MAF: variants seen among roughly 807,000 people sequenced by gnomAD.
The protein encoded by MAF is MAF bZIP transcription factor, also known as transcription factor Maf.
A neutral mutation model predicts 22.0 loss-of-function variants in MAF; 10 were observed. The ratio of observed to expected loss-of-function variants is 0.45; its 90% CI spans 0.28 to 0.77. The LOEUF is 0.77. MAF is among the 30% of genes least tolerant of loss of function. MAF has a pLI of 0.12. For synonymous variants in MAF, 337 were observed against 255.8 expected, an observed-to-expected ratio of 1.32 and a Z score of -3.03; for missense variants, 544 against 548.4, an observed-to-expected ratio of 0.99 and a Z score of 0.08.
At chr16:79,216,440 A>G in the MAF span, among the ~76,000 whole-genome samples, 1 of 152,212 alleles carries the variant, frequency 6.6e-6, no homozygotes, top group Non-Finnish European at 1.5e-5. Context: ...ACGATGATGT[A>G]AAAGTGATAT....
At chr16:79,256,763 C>G in the MAF span, among the ~76,000 whole-genome samples, 3 of 152,180 alleles carry the variant, frequency 2.0e-5, no homozygotes, top group African/African-American at 7.2e-5. Context: ...ACCTGTCTTG[C>G]AGAAATTTTG....
At chr16:79,562,137 C>T in the MAF span, among the ~76,000 whole-genome samples, 1 of 152,182 alleles carries the variant, frequency 6.6e-6, no homozygotes, top group Non-Finnish European at 1.5e-5. Context: ...AGACATAATC[C>T]TGCTCATCCC....
chr16:79,436,289 G>A, the MAF span, among the ~76,000 whole-genome samples: 1 of 152,096 alleles, frequency 6.6e-6, no homozygotes, highest in Non-Finnish European at 1.5e-5. Flanking sequence ...TGCCATGTTG[G>A]CCAGACTGGT....
the MAF span, among the ~76,000 whole-genome samples, chr16:79,436,330 G>A: frequency 1.3e-5 from 2 of 152,198 alleles, no homozygotes; most frequent in Non-Finnish European, 2.9e-5. Context: ...TGATCTGCCC[G>A]CTTCAGCCTC....
At chr16:79,307,546 A>T in the MAF span, among the ~76,000 whole-genome samples, 1 of 152,226 alleles carries the variant, frequency 6.6e-6, no homozygotes, top group Non-Finnish European at 1.5e-5. Flanking sequence ...TGCCCCCGAC[A>T]TGATGGGCGA....
chr16:79,264,337 C>G, the MAF span: 2 of 152,306 alleles, frequency 1.3e-5, no homozygotes, highest in South Asian at 2.1e-4. Context: ...CTGTGCTAAA[C>G]ACATTGGGTG....
the MAF span, among the ~76,000 whole-genome samples, chr16:79,372,662 G>A: frequency 7.2e-4 from 110 of 152,230 alleles, no homozygotes; most frequent in African/African-American, 2.6e-3. Flanking sequence ...GGCTCCATCC[G>A]TGTGAATCAC....
At chr16:79,312,541 G>T in the MAF span, among the ~76,000 whole-genome samples, 1 of 152,278 alleles carries the variant, frequency 6.6e-6, no homozygotes, top group South Asian at 2.1e-4. Flanking sequence ...TTGCTCTTTT[G>T]TTCGAATTTC....
chr16:79,497,963 A>G, the MAF span, among the ~76,000 whole-genome samples: 2 of 152,198 alleles, frequency 1.3e-5, no homozygotes, highest in African/African-American at 4.8e-5. Context: ...ACCAGAAGAC[A>G]CCACTCTGAG....
the MAF span, among the ~76,000 whole-genome samples, chr16:79,524,141 T>A: frequency 7.9e-5 from 12 of 152,314 alleles, no homozygotes; most frequent in African/African-American, 2.6e-4. Flanking sequence ...GCATCCCTGG[T>A]TGCTTTTCCT....
the MAF span, among the ~76,000 whole-genome samples, chr16:79,244,271 A>C: frequency 3.3e-5 from 5 of 152,196 alleles, no homozygotes; most frequent in Non-Finnish European, 7.4e-5. Context: ...AGAGGGAGTC[A>C]AATTGTCTCT....
chr16:79,468,300 C>T, the MAF span, among the ~76,000 whole-genome samples: 1 of 152,200 alleles, frequency 6.6e-6, no homozygotes, highest in Non-Finnish European at 1.5e-5. Flanking sequence ...TTTACTGCTG[C>T]CCTGGGCCGG....
At chr16:79,212,462 A>C in the MAF span, 13 of 244,452 alleles carry the variant, frequency 5.3e-5, no homozygotes, top group South Asian at 1.2e-3. Flanking sequence ...AAATTTTTCA[A>C]ATCATTCCTT....
At chr16:79,216,238 T>C in the MAF span, among the ~76,000 whole-genome samples, 215 of 152,330 alleles carry the variant, frequency 1.4e-3, no homozygotes, top group African/African-American at 4.9e-3. Flanking sequence ...TCTATATGTG[T>C]ATATGTACAT....
the MAF span, among the ~76,000 whole-genome samples, chr16:79,342,604 CATT>C: frequency 8.6e-5 from 13 of 151,860 alleles, no homozygotes; most frequent in Admixed American, 2.0e-4. Flanking sequence ...CCATCATCAT[CATT>C]GTCACCATCA....
chr16:79,565,643 C>T, the MAF span, among the ~76,000 whole-genome samples: 2 of 152,126 alleles, frequency 1.3e-5, no homozygotes, highest in African/African-American at 4.8e-5. Flanking sequence ...TTCTCCTTCC[C>T]GCCTTCATGT....
At chr16:79,434,793 A>T in the MAF span, among the ~76,000 whole-genome samples, 3 of 152,162 alleles carry the variant, frequency 2.0e-5, no homozygotes, top group Non-Finnish European at 4.4e-5. Flanking sequence ...GATTATAAAG[A>T]AAAGAGTAGA....
At chr16:79,470,398 A>T in the MAF span, among the ~76,000 whole-genome samples, 6 of 152,158 alleles carry the variant, frequency 3.9e-5, no homozygotes, top group Non-Finnish European at 7.3e-5. Flanking sequence ...GGGGACCAGG[A>T]TGGCAACTAG....
chr16:79,468,191 C>T, the MAF span, among the ~76,000 whole-genome samples: 1 of 152,166 alleles, frequency 6.6e-6, no homozygotes, highest in Non-Finnish European at 1.5e-5. Flanking sequence ...TGCACATACT[C>T]ACGAGAAGGT....
Sources: gnomAD v4.1 joint callset for allele counts (sites outside exome capture counted in the v4.1 genomes callset) on GRCh38, gnomAD v4.1.1 for gene constraint, MANE v1.5 for transcripts, NCBI Gene and HGNC (gene_info 2026-07-23, HGNC 2026-07-21) for gene names.